The following DAB1 variants were observed in gnomAD, a reference collection of about 807,000 sequenced individuals.
DAB1 encodes the protein disabled homolog 1.
Under a neutral mutation model 64.6 loss-of-function variants are expected in DAB1, and 15 were observed. The observed-to-expected ratio is 0.23, with a 90% CI of 0.16 to 0.36. The LOEUF (loss-of-function observed/expected upper bound fraction) is 0.36. Among genes scored for constraint, DAB1 ranks in the 10% least tolerant of loss-of-function variants. The pLI is 1.00. For missense variants in DAB1, 596 were observed against 706.7 expected (o/e 0.84, Z 1.78); for synonymous variants, 235 against 251.9 (o/e 0.93, Z 0.64).
At chr1:57,851,101 G>A (rs112557830) in intron 1 of DAB1, among the ~76,000 whole-genome samples, 6 of 152,144 alleles carry the variant, frequency 3.9e-5, no homozygotes, top group African/African-American at 7.2e-5. Context: ...AGAATTGTTC[G>A]TCAACAGCCC....
At chr1:57,666,733 A>G (rs56193852) in intron 6 of DAB1, among the ~76,000 whole-genome samples, 42,111 of 152,056 alleles carry the variant, frequency 0.28, 6,757 homozygotes, top group Non-Finnish European at 0.38. Context: ...TCTATTCTCA[A>G]CTACCATCAT....
At chr1:58,193,169 T>C (rs1657483233) in intron 4 of DAB1, among the ~76,000 whole-genome samples, 1 of 152,166 alleles carries the variant, frequency 6.6e-6, no homozygotes, top group Non-Finnish European at 1.5e-5. Flanking sequence ...GTGCCCTCCC[T>C]GGGAAGAGGG....
intron 6 of DAB1, among the ~76,000 whole-genome samples, chr1:57,787,578 A>G (rs1411929813): frequency 2.0e-5 from 3 of 151,774 alleles, no homozygotes; most frequent in Admixed American, 6.6e-5. Context: ...GAAACATAGG[A>G]AAAAAAGTCT....
chr1:57,802,756 G>C (rs902476652), intron 6 of DAB1, among the ~76,000 whole-genome samples: 2 of 152,144 alleles, frequency 1.3e-5, no homozygotes, highest in Non-Finnish European at 2.9e-5. Context: ...CGCCATGACT[G>C]AAAGTTTCCT....
chr1:57,235,187 G>A (rs887412718), intron 2 of DAB1, among the ~76,000 whole-genome samples: 6 of 152,118 alleles, frequency 3.9e-5, no homozygotes, highest in East Asian at 1.9e-4. Context: ...TCTGAATTTC[G>A]GTTGGACTCC....
chr1:58,075,332 A>G (rs933438461), intron 5 of DAB1, among the ~76,000 whole-genome samples: 3 of 152,228 alleles, frequency 2.0e-5, no homozygotes, highest in African/African-American at 7.2e-5. Flanking sequence ...CCCGTGAAAG[A>G]TAAGTGTGGT....
At chr1:58,207,303 C>T (rs1658331579) in intron 4 of DAB1, among the ~76,000 whole-genome samples, 2 of 152,062 alleles carry the variant, frequency 1.3e-5, no homozygotes, top group South Asian at 4.1e-4. Context: ...GTAGTGAGGA[C>T]GGAGGTTAGA....
chr1:58,080,623 A>G lies in DAB1; in HGVS notation n.387+69888T>C, dbSNP rs185434887. Among the ~76,000 whole-genome samples, 38 of 152,362 alleles carry G rather than the reference A, an allele frequency of 2.5e-4. No individual in the cohort carries two copies. The Middle Eastern group carries it at 0.01, about 41-fold the overall frequency. Reference sequence around the variant, plus strand: ...CAAGTCAAACAAGAAGTTAGTCATTAAATTTGGGCTGTGCCTCTCATTCCT... The same window carrying G: ...CAAGTCAAACAAGAAGTTAGTCATTGAATTTGGGCTGTGCCTCTCATTCCT... On this transcript the variant is annotated intron_variant and non_coding_transcript_variant, in intron 5 of 20. Coordinates refer to the DAB1 transcript ENST00000485760.
At chr1:57,579,355 C>G (rs1478600821) in intron 7 of DAB1, among the ~76,000 whole-genome samples, 1 of 152,170 alleles carries the variant, frequency 6.6e-6, no homozygotes, top group Admixed American at 6.5e-5. Context: ...TACCCTATCA[C>G]TTGCTGGCCT....
intron 5 of DAB1, among the ~76,000 whole-genome samples, chr1:58,148,215 C>T (rs76889676): frequency 0.011 from 1,661 of 152,302 alleles, 31 homozygotes; most frequent in African/African-American, 0.038. Flanking sequence ...CTTAGTCCAA[C>T]TGGCAATTAC....
intron 3 of DAB1, among the ~76,000 whole-genome samples, chr1:58,387,059 T>C (rs1644438196): frequency 6.6e-6 from 1 of 151,822 alleles, no homozygotes; most frequent in African/African-American, 2.4e-5. Context: ...AAACTCCATC[T>C]CAAAAAACAA....
At chr1:57,255,495 C>CA (rs1220591687) in intron 2 of DAB1, among the ~76,000 whole-genome samples, 4 of 151,816 alleles carry the variant, frequency 2.6e-5, no homozygotes, top group Admixed American at 2.6e-4. Context: ...AACCCTGTAC[C>CA]AAAAATACAA....
At chr1:57,303,849 C>T (rs924367064) in intron 1 of DAB1, among the ~76,000 whole-genome samples, 6 of 152,184 alleles carry the variant, frequency 3.9e-5, no homozygotes, top group South Asian at 2.1e-4. Context: ...CCAGTGTTCA[C>T]GAGGCCAGGC....
chr1:57,377,945 G>C (rs1681044424), intron 1 of DAB1, among the ~76,000 whole-genome samples: 1 of 152,180 alleles, frequency 6.6e-6, no homozygotes, highest in Admixed American at 6.5e-5. Context: ...GTGACGTCTG[G>C]TGGAGGAAGA....
intron 2 of DAB1, among the ~76,000 whole-genome samples, chr1:58,516,766 T>A (rs1054962458): frequency 1.3e-5 from 2 of 152,136 alleles, no homozygotes; most frequent in African/African-American, 4.8e-5. Context: ...TCAGAAATAG[T>A]TCCCAGTAAC....
chr1:58,411,089 T>C (rs764640727), intron 3 of DAB1, among the ~76,000 whole-genome samples: 3 of 152,224 alleles, frequency 2.0e-5, no homozygotes, highest in Non-Finnish European at 4.4e-5. Context: ...CTCAGGCCTC[T>C]GCATGAATAA....
chr1:58,335,593 G>A (rs886323587), intron 4 of DAB1, among the ~76,000 whole-genome samples: 5 of 130,594 alleles, frequency 3.8e-5, no homozygotes, highest in African/African-American at 1.1e-4. Flanking sequence ...TAGCCTGGAG[G>A]CCAGGGTGGA....
intron 1 of DAB1, among the ~76,000 whole-genome samples, chr1:57,833,162 T>C (rs901474049): frequency 1.4e-4 from 21 of 152,270 alleles, no homozygotes; most frequent in Non-Finnish European, 2.4e-4. Context: ...ACTTGGTTGT[T>C]GTTATTGCCT....
chr1:58,124,961 T>C (rs1652974656), intron 5 of DAB1, among the ~76,000 whole-genome samples: 1 of 152,180 alleles, frequency 6.6e-6, no homozygotes. Context: ...AGACTCTGCT[T>C]GTCATTGTCT....
Sources: allele counts gnomAD v4.1 joint callset (sites outside exome capture counted in the v4.1 genomes callset), GRCh38; gene constraint gnomAD v4.1.1; transcripts MANE v1.5; gene names NCBI Gene and HGNC (gene_info 2026-07-23, HGNC 2026-07-21).